The following PP2D1 variants were observed in gnomAD, a reference collection of about 807,000 sequenced individuals.
PP2D1 encodes protein phosphatase 2C-like domain-containing protein 1.
A neutral mutation model predicts 30.2 loss-of-function variants in PP2D1; 25 were observed. The ratio of observed to expected loss-of-function variants is 0.83; its 90% CI spans 0.60 to 1.16. The LOEUF is 1.16. PP2D1 is among the 50% of genes most tolerant of loss of function. The pLI is 0.00. For missense variants in PP2D1, 760 were observed against 742.4 expected (o/e 1.02, Z -0.28); for synonymous variants, 260 against 258.9 (o/e 1.00, Z -0.04).
intron 2 of PP2D1, among the ~76,000 whole-genome samples, chr3:19,996,361 T>TA (rs1425118180): frequency 1.3e-5 from 2 of 152,196 alleles, no homozygotes; most frequent in South Asian, 4.2e-4. Flanking sequence ...CGTGGACACT[T>TA]ACAACCCTAC....
intron 1 of PP2D1, among the ~76,000 whole-genome samples, chr3:20,003,585 A>G (rs9854371): frequency 0.16 from 24,209 of 151,886 alleles, 2,109 homozygotes; most frequent in Non-Finnish European, 0.21. Flanking sequence ...TCTACTAAAA[A>G]TACAAAAAAT....
At chr3:20,000,778 C>G (rs1697240484) in intron 2 of PP2D1, among the ~76,000 whole-genome samples, 2 of 152,230 alleles carry the variant, frequency 1.3e-5, no homozygotes, top group Non-Finnish European at 2.9e-5. Context: ...GTTGCTACCC[C>G]TTTGGGAAAC....
intron 2 of PP2D1, among the ~76,000 whole-genome samples, chr3:19,994,671 A>C (rs1184441554): frequency 2.0e-5 from 3 of 152,226 alleles, no homozygotes; most frequent in Non-Finnish European, 4.4e-5. Flanking sequence ...ATACAATAAC[A>C]GTGACTGGAT....
At chr3:19,986,720 T>C (rs74787170) in intron 2 of PP2D1, among the ~76,000 whole-genome samples, 5,147 of 152,278 alleles carry the variant, frequency 0.034, 144 homozygotes, top group Non-Finnish European at 0.048. Context: ...ACTAGGTTGC[T>C]ATAATGTGTA....
At chr3:19,985,240 A>T (rs1003279302), downstream of PP2D1, 3 of 648,882 alleles carry the variant, frequency 4.6e-6, no homozygotes, top group Non-Finnish European at 7.7e-6. Context: ...ATGATACTAT[A>T]TGACCTAGTA....
chr3:19,982,071 ATC>A (rs1197826847), downstream of PP2D1, among the ~76,000 whole-genome samples: 1 of 151,458 alleles, frequency 6.6e-6, no homozygotes, highest in African/African-American at 2.4e-5. Context: ...GCAAGACCCT[ATC>A]TCTACCAAAA....
chr3:19,984,183 T>A (rs201017492), downstream of PP2D1: 28 of 402,092 alleles, frequency 7.0e-5, no homozygotes, highest in African/African-American at 3.1e-4. Flanking sequence ...GAAAAAAAAA[T>A]TGGAACTTAC....
chr3:19,982,118 GT>G, downstream of PP2D1, among the ~76,000 whole-genome samples: 1 of 151,908 alleles, frequency 6.6e-6, no homozygotes, highest in South Asian at 2.1e-4. Flanking sequence ...ACACCCTGTA[GT>G]CTCAGCTACT....
At chr3:20,010,348 A>G (rs1336266184) in intron 1 of PP2D1, among the ~76,000 whole-genome samples, 1 of 152,038 alleles carries the variant, frequency 6.6e-6, no homozygotes, top group East Asian at 1.9e-4. Flanking sequence ...TGCCCACCTC[A>G]GCCTCCCAAA....
rs1259494897 is a variant in PP2D1 at position 19,985,940 on chromosome 3, C to T, written c.1333G>A (p.Asp445Asn). Residue 445 changes from aspartate (D) to asparagine (N), a missense_variant, in exon 3 of 3, where the codon GAC becomes AAC. This residue lies in a region of PP2D1 where 369 missense variants were observed against 316.2 expected (regional missense o/e 1.17). Transcript: ENST00000389050. ...APQTISVPID[D>N]LCQFLIVATN... is the part of the protein sequence containing the mutation. ...GCTACAATAAGGAATTGACATAGGTCATCTATAGGGACAGAAATAGTTTGA... is the reference window on the plus strand; with the variant it reads ...GCTACAATAAGGAATTGACATAGGTTATCTATAGGGACAGAAATAGTTTGA... The T allele has an allele frequency of 2.0e-6, 3 of 1,536,280 alleles. No individual in the cohort carries two copies. The highest frequency in any genetic ancestry group is 1.7e-6 in the Non-Finnish European group (2 of 1,146,914).
At chr3:19,993,131 T>G (rs1697138064) in intron 2 of PP2D1, among the ~76,000 whole-genome samples, 1 of 152,176 alleles carries the variant, frequency 6.6e-6, no homozygotes, top group Non-Finnish European at 1.5e-5. Flanking sequence ...TACTGTGAGC[T>G]TATGAGACAG....
chr3:20,012,186 T>C lies in PP2D1; in HGVS notation c.-114A>G. ...GAGGTAGAGGTGAATGTGATGGCTG[T>C]GGCAGAAGTAGTGGTGATGGTGATG... On this transcript the variant is annotated 5_prime_UTR_variant, in exon 1 of 3. Transcript: ENST00000389050. The C allele has an allele frequency of 3.6e-6, 3 of 824,882 alleles. No homozygotes were observed. Among genetic ancestry groups the C allele is most frequent in the Non-Finnish European group, 3.8e-6 (2 of 521,816 alleles). 51.1% of individuals were successfully genotyped at this position (824,882 alleles called of 1,614,324 possible).
At position 19,993,697 on chromosome 3, in the gene PP2D1, G is replaced by A. The variant is rs544440265; in HGVS notation, c.1090+7333C>T. On this transcript the variant is annotated intron_variant, in intron 2 of 2. Transcript: ENST00000389050. ...GGAGGTTGCAGTGAGCCAAGATCGA[G>A]CCACTCTACTCCAGTGTGGATAACA... Among the ~76,000 whole-genome samples, 5 of 152,286 alleles carry A rather than the reference G, an allele frequency of 3.3e-5. No individual in the cohort carries two copies. In the South Asian group the frequency reaches 1.0e-3, roughly 32 times the overall value.
intron 2 of PP2D1, among the ~76,000 whole-genome samples, chr3:19,997,648 T>C (rs559333402): frequency 6.6e-6 from 1 of 152,270 alleles, no homozygotes; most frequent in South Asian, 2.1e-4. Context: ...AAAGAAAATG[T>C]AGTATAAGTA....
chr3:20,011,865 A>G (rs1697392214), intron 1 of PP2D1, among the ~76,000 whole-genome samples, 185 bp downstream of exon 1: 1 of 152,030 alleles, frequency 6.6e-6, no homozygotes, highest in Non-Finnish European at 1.5e-5. Flanking sequence ...TCAGAATAAG[A>G]GCATAGAGAG....
downstream of PP2D1, among the ~76,000 whole-genome samples, chr3:19,982,290 A>G (rs1317050695): frequency 6.6e-6 from 1 of 152,106 alleles, no homozygotes; most frequent in Non-Finnish European, 1.5e-5. Context: ...GATCACAACG[A>G]AGTGTTGAGT....
chr3:19,983,862 C>A, downstream of PP2D1: 1 of 1,348,004 alleles, frequency 7.4e-7, no homozygotes, highest in South Asian at 1.2e-5. Flanking sequence ...CTTCTGCTTC[C>A]TAAATGTTAA....
rs1401365423 is a variant in PP2D1 at position 20,012,180 on chromosome 3, T to C, written c.-108A>G. On this transcript the variant is annotated 5_prime_UTR_variant, in exon 1 of 3. Transcript: ENST00000389050. Reference sequence around the variant, plus strand: ...ATGGTGGAGGTAGAGGTGAATGTGATGGCTGTGGCAGAAGTAGTGGTGATG... The same window carrying C: ...ATGGTGGAGGTAGAGGTGAATGTGACGGCTGTGGCAGAAGTAGTGGTGATG... The C allele has an allele frequency of 2.2e-6, 2 of 906,832 alleles. No individual in the cohort carries two copies. The highest frequency in any genetic ancestry group is 3.4e-5 in the African/African-American group (2 of 59,148). The allele number at this position is 906,832 out of a possible 1,614,324, so 56.2% of individuals were successfully genotyped here. A position where few individuals can be genotyped will look rare whatever the true frequency, so the allele number is the denominator to read the frequency against.
At chr3:20,011,506 CA>C (rs1160326865) in intron 1 of PP2D1, among the ~76,000 whole-genome samples, 1 of 151,930 alleles carries the variant, frequency 6.6e-6, no homozygotes, top group Non-Finnish European at 1.5e-5. Flanking sequence ...TTCATAATAA[CA>C]AATTAAATAG....
Sources: gnomAD v4.1 joint callset for allele counts (sites outside exome capture counted in the v4.1 genomes callset) on GRCh38, gnomAD v4.1.1 for gene constraint, gnomAD v4.1.1 regional missense constraint, MANE v1.5 for transcripts, NCBI Gene and HGNC (gene_info 2026-07-23, HGNC 2026-07-21) for gene names.